Variants in LARS2 observed in about 807,000 individuals in gnomAD.
LARS2 encodes leucyl-tRNA synthetase 2, mitochondrial, also known as leucine--tRNA ligase, mitochondrial.
Under a neutral mutation model 116.6 loss-of-function variants are expected in LARS2, and 81 were observed. The observed-to-expected ratio is 0.69, with a 90% CI of 0.58 to 0.84. The LOEUF (loss-of-function observed/expected upper bound fraction) is 0.84. Ranked by LOEUF, LARS2 falls within the 40% of genes least tolerant of loss-of-function variation. The pLI is 0.00. For synonymous variants in LARS2, 396 were observed against 407.2 expected, an observed-to-expected ratio of 0.97 and a Z score of 0.33; for missense variants, 968 against 1,114.5, an observed-to-expected ratio of 0.87 and a Z score of 1.87.
intron 14 of LARS2, among the ~76,000 whole-genome samples, chr3:45,498,965 G>A (rs1254644003): frequency 6.6e-6 from 1 of 152,072 alleles, no homozygotes; most frequent in Non-Finnish European, 1.5e-5. Context: ...TTTTCAGACT[G>A]CTTTAAAAAA....
At chr3:45,451,335 C>T (rs902800396) in intron 7 of LARS2, among the ~76,000 whole-genome samples, 3 of 150,490 alleles carry the variant, frequency 2.0e-5, no homozygotes, top group East Asian at 3.9e-4. Flanking sequence ...TCATAGTTTT[C>T]GGTCTTACAT....
chr3:45,520,373 G>A (rs1450027303), intron 19 of LARS2, 77 bp downstream of exon 19: 21 of 953,002 alleles, frequency 2.2e-5, no homozygotes, highest in Non-Finnish European at 3.4e-5. Flanking sequence ...AGGGTCCCAA[G>A]AGGGACAGAG....
intron 6 of LARS2, among the ~76,000 whole-genome samples, chr3:45,436,984 A>C (rs1575253803): frequency 1.3e-5 from 2 of 152,292 alleles, no homozygotes; most frequent in East Asian, 3.9e-4. Flanking sequence ...CATAAAAATG[A>C]TAGTGCTCAA....
chr3:45,498,961 GA>G (rs1700069650), intron 14 of LARS2, among the ~76,000 whole-genome samples: 1 of 152,062 alleles, frequency 6.6e-6, no homozygotes, highest in Non-Finnish European at 1.5e-5. Flanking sequence ...TATATTTTCA[GA>G]CTGCTTTAAA....
chr3:45,416,957 C>A (rs1158992897), intron 4 of LARS2, among the ~76,000 whole-genome samples: 5 of 151,670 alleles, frequency 3.3e-5, no homozygotes, highest in African/African-American at 9.7e-5. Context: ...GCCTGTAGTC[C>A]CAGCTACTCG....
rs114172671 is a variant in LARS2 at position 45,472,201 on chromosome 3, A to G, written c.751-2042A>G. On this transcript the variant is annotated intron_variant, in intron 8 of 21. Transcript: ENST00000645846. Reference sequence around the variant, plus strand: ...ATGGTCTGGTTAAGCCATTGCTGCCATTGGTACCAGCATCTCCAGCCTCTC... The same window carrying G: ...ATGGTCTGGTTAAGCCATTGCTGCCGTTGGTACCAGCATCTCCAGCCTCTC... Among the ~76,000 whole-genome samples, 336 of 152,348 alleles carry G rather than the reference A, an allele frequency of 2.2e-3. 1 individual carries two copies. Among genetic ancestry groups the G allele is most frequent in the African/African-American group, 7.1e-3 (296 of 41,578 alleles).
chr3:45,541,571 C>T, intron 20 of LARS2: 1 of 449,026 alleles, frequency 2.2e-6, no homozygotes, highest in Non-Finnish European at 4.0e-6. Context: ...CCTTGTTTTT[C>T]CAAATGCACA....
chr3:45,465,673 A>C (rs1337626842), intron 8 of LARS2, among the ~76,000 whole-genome samples: 1 of 152,206 alleles, frequency 6.6e-6, no homozygotes, highest in African/African-American at 2.4e-5. Context: ...AGGGGTTGGT[A>C]CAGGGCTGGG....
chr3:45,524,259 A>G (rs1386373293), intron 20 of LARS2, 151 bp downstream of exon 20: 2 of 587,686 alleles, frequency 3.4e-6, no homozygotes, highest in Non-Finnish European at 6.1e-6. Context: ...TGTACTCTGA[A>G]TGGTAGTACT....
chr3:45,415,038 T>C (rs1698392085), intron 4 of LARS2, among the ~76,000 whole-genome samples: 1 of 152,192 alleles, frequency 6.6e-6, no homozygotes, highest in Non-Finnish European at 1.5e-5. Context: ...AAACCATTTT[T>C]CCTGCTCATG....
chr3:45,440,402 ACTCT>A (rs1486214617), intron 6 of LARS2, among the ~76,000 whole-genome samples: 1 of 151,992 alleles, frequency 6.6e-6, no homozygotes, highest in African/African-American at 2.4e-5. Context: ...CATGTGAACA[ACTCT>A]CCTCTGTTTC....
intron 21 of LARS2, among the ~76,000 whole-genome samples, chr3:45,546,775 G>C (rs1169429065): frequency 6.6e-6 from 1 of 152,172 alleles, no homozygotes; most frequent in Non-Finnish European, 1.5e-5. Flanking sequence ...TGTTAAGCGA[G>C]AAAGAGTGAT....
intron 12 of LARS2, among the ~76,000 whole-genome samples, chr3:45,490,584 A>T (rs907273826): frequency 6.6e-6 from 1 of 152,218 alleles, no homozygotes; most frequent in Non-Finnish European, 1.5e-5. Flanking sequence ...GCAGAAAGAC[A>T]CTTCAGACCA....
chr3:45,474,345 T>C lies in LARS2; in HGVS notation c.853T>C (p.Leu285=). 1 of 1,582,674 alleles carries C rather than the reference T, an allele frequency of 6.3e-7. No individual in the cohort carries two copies. The change falls in exon 9 of 22, where the codon TTA becomes CTA. Residue 285 remains leucine, a synonymous_variant. Transcript: ENST00000645846. The part of the protein sequence containing the change: ...DCVGCHLDFT[L]KVHGQATGEK... ...TGTGGGCTGCCACCTGGACTTCACATTAAAGGTGATTAAGTAATAGCAGCT... is the reference window on the plus strand; with the variant it reads ...TGTGGGCTGCCACCTGGACTTCACACTAAAGGTGATTAAGTAATAGCAGCT...
intron 7 of LARS2, among the ~76,000 whole-genome samples, chr3:45,456,269 CAATT>C (rs1699212048): frequency 6.6e-6 from 1 of 151,522 alleles, no homozygotes; most frequent in African/African-American, 2.4e-5. Flanking sequence ...TATGATTTGT[CAATT>C]AATAATTGTT....
chr3:45,510,915 A>G (rs1453193739), intron 15 of LARS2, among the ~76,000 whole-genome samples: 2 of 152,252 alleles, frequency 1.3e-5, no homozygotes, highest in African/African-American at 2.4e-5. Flanking sequence ...TGCCTAGCTC[A>G]GTGCCAGGCA....
intron 6 of LARS2, among the ~76,000 whole-genome samples, chr3:45,439,854 CAT>C (rs1243716233): frequency 6.6e-6 from 1 of 152,146 alleles, no homozygotes; most frequent in Non-Finnish European, 1.5e-5. Flanking sequence ...TCTGTAAAGA[CAT>C]AAAGGCAGGA....
intron 7 of LARS2, among the ~76,000 whole-genome samples, chr3:45,448,210 A>G (rs370612650): frequency 2.6e-5 from 4 of 152,222 alleles, no homozygotes; most frequent in Admixed American, 1.3e-4. Flanking sequence ...ATAGTGTTCT[A>G]TTCCATAACA....
intron 20 of LARS2, among the ~76,000 whole-genome samples, chr3:45,528,230 G>A (rs897631672): frequency 8.5e-5 from 13 of 152,138 alleles, no homozygotes; most frequent in African/African-American, 2.9e-4. Flanking sequence ...TCAGCTACTC[G>A]GGAGGCTGAG....
Sources: gnomAD v4.1 joint callset for allele counts (sites outside exome capture counted in the v4.1 genomes callset) on GRCh38, gnomAD v4.1.1 for gene constraint, MANE v1.5 for transcripts, NCBI Gene and HGNC (gene_info 2026-07-23, HGNC 2026-07-21) for gene names.